Variants in MAP3K15 observed in about 807,000 individuals in gnomAD.
The protein encoded by MAP3K15 is mitogen-activated protein kinase kinase kinase 15, also known as MAPK/ERK kinase kinase 15.
MAP3K15 carries 124 observed loss-of-function variants against 99.5 expected under a neutral mutation model. That is an observed-to-expected ratio of 1.25 (90% CI 1.08 to 1.45). MAP3K15 has a LOEUF of 1.45. Ranked by LOEUF, MAP3K15 falls within the 40% of genes most tolerant of loss-of-function variation. MAP3K15 has a pLI of 0.00. For missense variants in MAP3K15, 1,242 were observed against 1,079.7 expected (o/e 1.15, Z -2.11); for synonymous variants, 494 against 439.6 (o/e 1.12, Z -1.55).
chrX:19,406,629 G>A (rs2063649748), intron 13 of MAP3K15, among the ~76,000 whole-genome samples: 1 of 112,506 alleles, frequency 8.9e-6, no homozygotes, highest in African/African-American at 3.2e-5. Context: ...TTGTGGGGGT[G>A]ACGAAAATAT....
intron 18 of MAP3K15, among the ~76,000 whole-genome samples, chrX:19,380,575 G>T (rs2147230024): frequency 8.9e-6 from 1 of 111,749 alleles, no homozygotes; most frequent in African/African-American, 3.2e-5. Context: ...GCCCAGGCTG[G>T]AGTGCAGTGG....
intron 9 of MAP3K15, among the ~76,000 whole-genome samples, chrX:19,417,499 G>A (rs901169406): frequency 6.3e-5 from 7 of 111,746 alleles, no homozygotes; most frequent in Non-Finnish European, 1.3e-4. Flanking sequence ...TGGGGGAGGG[G>A]CGCCCACCAC....
intron 3 of MAP3K15, among the ~76,000 whole-genome samples, chrX:19,472,226 AAATAAT>A (rs202068828): frequency 0.015 from 1,429 of 97,422 alleles, 45 homozygotes; most frequent in African/African-American, 0.049. Context: ...TCTGTCTCAA[AAATAAT>A]AATAATAATA....
chrX:19,446,327 A>G (rs2063998164), intron 6 of MAP3K15, among the ~76,000 whole-genome samples: 1 of 112,173 alleles, frequency 8.9e-6, no homozygotes, highest in Non-Finnish European at 1.9e-5. Flanking sequence ...GTCTCTAATC[A>G]TTCAACTAAT....
chrX:19,404,424 C>G (rs909769320), intron 13 of MAP3K15, among the ~76,000 whole-genome samples: 2 of 111,850 alleles, frequency 1.8e-5, no homozygotes, highest in Admixed American at 1.9e-4. Context: ...GCAATGCTCT[C>G]CAAATTGATC....
chrX:19,502,709 T>C (rs979611092), intron 1 of MAP3K15, among the ~76,000 whole-genome samples: 2 of 111,605 alleles, frequency 1.8e-5, no homozygotes, highest in African/African-American at 6.5e-5. Context: ...TAATGCCAGC[T>C]ACTCTGGAGG....
intron 3 of MAP3K15, among the ~76,000 whole-genome samples, chrX:19,481,198 A>G (rs1235335501): frequency 3.7e-5 from 4 of 108,911 alleles, no homozygotes; most frequent in Non-Finnish European, 7.6e-5. Flanking sequence ...TATAATTGAG[A>G]GTCCAAAAAT....
At chrX:19,466,759 C>A (rs2064172441) in intron 3 of MAP3K15, 1 of 79,834 alleles carries the variant, frequency 1.3e-5, no homozygotes, top group Non-Finnish European at 2.6e-5. Context: ...AGGAAAAATA[C>A]CTTTGAAGAA....
At chrX:19,402,611 C>T (rs756256104) in intron 13 of MAP3K15, among the ~76,000 whole-genome samples, 60 of 111,830 alleles carry the variant, frequency 5.4e-4, no homozygotes, top group African/African-American at 1.8e-3. Flanking sequence ...TGGAACACAA[C>T]GGAATGCTAC....
chrX:19,409,959 T>A lies in MAP3K15; in HGVS notation c.1713A>T (p.Glu571Asp). The change falls in exon 12 of 29, where the codon GAA (glutamate) becomes GAT (aspartate). Residue 571 changes from glutamate (E) to aspartate (D), a missense_variant. Transcript: ENST00000338883. ...VSPTEMKQMH[E>D]WNFTASSIKG... ...TTATGGAAGAGGCTGTAAAATTCCA[T>A]TCGTGCATCTGTTTCTGCAAGTTAT... The A allele has an allele frequency of 8.3e-7, 1 of 1,205,535 alleles. No homozygotes were observed. Among genetic ancestry groups the A allele is most frequent in the Non-Finnish European group, 1.1e-6 (1 of 890,142 alleles).
At chrX:19,416,306 G>C (rs943707681) in intron 9 of MAP3K15, among the ~76,000 whole-genome samples, 1 of 110,559 alleles carries the variant, frequency 9.0e-6, no homozygotes, top group African/African-American at 3.3e-5. Context: ...ACTCCAGCCT[G>C]GGCAACAGAG....
intron 3 of MAP3K15, among the ~76,000 whole-genome samples, chrX:19,475,893 C>G (rs923311019): frequency 8.9e-6 from 1 of 112,059 alleles, no homozygotes; most frequent in African/African-American, 3.2e-5. Flanking sequence ...GCTATATTTT[C>G]CTTCTTTTCC....
intron 3 of MAP3K15, chrX:19,466,678 G>C (rs2064171751): frequency 8.9e-6 from 1 of 112,403 alleles, no homozygotes. Flanking sequence ...GAAATTGGTT[G>C]ATGTTATGGT....
At chrX:19,423,272 T>C (rs1356797736) in intron 9 of MAP3K15, among the ~76,000 whole-genome samples, 2 of 111,382 alleles carry the variant, frequency 1.8e-5, no homozygotes, top group African/African-American at 6.5e-5. Flanking sequence ...GAAATTTCCA[T>C]CCCCACAGGG....
At chrX:19,387,896 C>T (rs1193538773) in intron 18 of MAP3K15, among the ~76,000 whole-genome samples, 2 of 112,397 alleles carry the variant, frequency 1.8e-5, no homozygotes, top group Admixed American at 1.9e-4. Context: ...AGGCCCCTGC[C>T]CACGACACAG....
intron 6 of MAP3K15, among the ~76,000 whole-genome samples, chrX:19,452,800 C>T (rs1490140947): frequency 8.0e-5 from 9 of 111,990 alleles, no homozygotes; most frequent in Admixed American, 3.8e-4. Flanking sequence ...GAATGCAGCC[C>T]AATACCAATG....
In MAP3K15 at chrX:19,491,488, T is replaced by C. The variant is rs758606279; in HGVS notation, c.362-2521A>G. Among the ~76,000 whole-genome samples the C allele has an allele frequency of 9.2e-5, 10 of 108,911 alleles. No homozygotes were observed. The South Asian group carries it at 3.7e-3, about 40-fold the overall frequency. The allele number at this position is 108,911 out of a possible 115,157, so 94.6% of individuals were successfully genotyped here. A position where few individuals can be genotyped will look rare whatever the true frequency, so the allele number is the denominator to read the frequency against. On this transcript the variant is annotated intron_variant, in intron 1 of 28. Coordinates refer to ENST00000338883, the MANE Select transcript of MAP3K15 (RefSeq NM_001001671.4). ...GTCAGGCAGGCAAATGGGATGAGGA[T>C]ATGGGGGATCAAAGGGAAGGAAAGA... is the stretch of plus-strand genomic sequence containing the variant.
chrX:19,395,204 A>C lies in MAP3K15; in HGVS notation c.2071T>G (p.Ser691Ala), dbSNP rs775068066. Residue 691 changes from serine (S) to alanine (A), a missense_variant, in exon 16 of 29, where the codon TCT (serine) becomes GCT (alanine). By Grantham distance (99) the Ser-to-Ala change is moderately conservative (BLOSUM62 1). Coordinates refer to ENST00000338883, the MANE Select transcript of MAP3K15 (RefSeq NM_001001671.4). ...KEIPERDSRY[S>A]QPLHEEIALH... ...GCTATCTCCTCGTGCAGAGGCTGAGAATACCTATTGGGAAAAACAGAGCCA... is the reference window on the plus strand; with the variant it reads ...GCTATCTCCTCGTGCAGAGGCTGAGCATACCTATTGGGAAAAACAGAGCCA... 2 of 1,203,700 alleles carry C rather than the reference A, an allele frequency of 1.7e-6. No individual in the cohort carries two copies. Among genetic ancestry groups the C allele is most frequent in the African/African-American group, 3.5e-5 (2 of 56,633 alleles).
chrX:19,514,213 G>C (rs942355268), intron 1 of MAP3K15, among the ~76,000 whole-genome samples: 1 of 109,641 alleles, frequency 9.1e-6, no homozygotes, highest in Non-Finnish European at 1.9e-5. Context: ...TATGTCATTG[G>C]TCTGGGGTCC....
Sources: allele counts gnomAD v4.1 joint callset (sites outside exome capture counted in the v4.1 genomes callset), GRCh38; gene constraint gnomAD v4.1.1; transcripts MANE v1.5; gene names NCBI Gene and HGNC (gene_info 2026-07-23, HGNC 2026-07-21).